NXPE2: variants seen among roughly 807,000 people sequenced by gnomAD.
The protein encoded by NXPE2 is neurexophilin and PC-esterase domain family member 2, also known as NXPE family member 2.
Under a neutral mutation model 34.4 loss-of-function variants are expected in NXPE2, and 34 were observed. The ratio of observed to expected loss-of-function variants is 0.99; its 90% CI spans 0.75 to 1.31. The LOEUF (loss-of-function observed/expected upper bound fraction) is 1.31. NXPE2 is among the 40% of genes most tolerant of loss of function. The pLI, the probability that NXPE2 is intolerant of heterozygous loss-of-function variation, is 0.00. For missense variants in NXPE2, 649 were observed against 672.5 expected (o/e 0.97, Z 0.39); for synonymous variants, 235 against 231.3 (o/e 1.02, Z -0.15).
chr11:114,751,961 A>G, the NXPE2 span, among the ~76,000 whole-genome samples: 1 of 152,228 alleles, frequency 6.6e-6, no homozygotes, highest in African/African-American at 2.4e-5. Flanking sequence ...GAGCCAAGAA[A>G]TATGGGCAGC....
At chr11:114,606,426 C>T in the NXPE2 span, among the ~76,000 whole-genome samples, 200 of 151,556 alleles carry the variant, frequency 1.3e-3, 2 homozygotes, top group African/African-American at 4.5e-3. Context: ...AGTATTGCCT[C>T]GTGGGTAACC....
chr11:114,692,121 G>A (rs1171426730), intron 2 of NXPE2, among the ~76,000 whole-genome samples: 1 of 152,182 alleles, frequency 6.6e-6, no homozygotes, highest in African/African-American at 2.4e-5. Flanking sequence ...CAGAGCAAAT[G>A]CTGCAAACTC....
chr11:114,778,697 G>A, the NXPE2 span, among the ~76,000 whole-genome samples: 1 of 152,128 alleles, frequency 6.6e-6, no homozygotes, highest in Admixed American at 6.5e-5. Flanking sequence ...TGACAGGGTC[G>A]GGGTCCCTGG....
the NXPE2 span, among the ~76,000 whole-genome samples, chr11:114,643,760 T>C: frequency 5.3e-5 from 8 of 152,190 alleles, no homozygotes; most frequent in Admixed American, 1.3e-4. Flanking sequence ...TGGTACCATA[T>C]GAAACTTAAA....
chr11:114,541,053 T>G, the NXPE2 span, among the ~76,000 whole-genome samples: 1 of 151,920 alleles, frequency 6.6e-6, no homozygotes, highest in Non-Finnish European at 1.5e-5. Flanking sequence ...CAAAGCAATC[T>G]GCAGCTAGTC....
the NXPE2 span, among the ~76,000 whole-genome samples, chr11:114,657,815 T>G: frequency 1.3e-5 from 2 of 152,188 alleles, no homozygotes; most frequent in Non-Finnish European, 2.9e-5. Flanking sequence ...ATATACTCTT[T>G]TCACTTACAA....
At chr11:114,679,978 T>G (rs1950920968) in intron 2 of NXPE2, among the ~76,000 whole-genome samples, 1 of 152,138 alleles carries the variant, frequency 6.6e-6, no homozygotes, top group African/African-American at 2.4e-5. Context: ...TGTTTTTCTT[T>G]AAAAAATGGC....
At chr11:114,557,670 TATAA>T in the NXPE2 span, among the ~76,000 whole-genome samples, 108 of 123,020 alleles carry the variant, frequency 8.8e-4, no homozygotes, top group African/African-American at 2.9e-3. Context: ...TATATATATA[TATAA>T]AATCCTTGTT....
At chr11:114,810,323 A>C in the NXPE2 span, among the ~76,000 whole-genome samples, 1 of 149,750 alleles carries the variant, frequency 6.7e-6, no homozygotes, top group Admixed American at 6.7e-5. Context: ...ATGGCAACAA[A>C]AGCCAAAATT....
At chr11:114,599,285 C>G in the NXPE2 span, among the ~76,000 whole-genome samples, 1 of 152,300 alleles carries the variant, frequency 6.6e-6, no homozygotes, top group Non-Finnish European at 1.5e-5. Context: ...TCCTCATCTC[C>G]TTCTGAGACC....
chr11:114,547,405 T>C, the NXPE2 span, among the ~76,000 whole-genome samples: 1 of 152,166 alleles, frequency 6.6e-6, no homozygotes, highest in African/African-American at 2.4e-5. Context: ...GTCAATGTCA[T>C]CAAAAACAAG....
chr11:114,738,149 C>A, the NXPE2 span, among the ~76,000 whole-genome samples: 3 of 152,110 alleles, frequency 2.0e-5, no homozygotes, highest in Non-Finnish European at 2.9e-5. Flanking sequence ...TGAATTTAGA[C>A]CATGGGAAAG....
At chr11:114,532,611 G>A in the NXPE2 span, among the ~76,000 whole-genome samples, 1 of 151,970 alleles carries the variant, frequency 6.6e-6, no homozygotes, top group Non-Finnish European at 1.5e-5. Context: ...TTATAAGAAT[G>A]GAATATATTT....
chr11:114,668,788 T>A, the NXPE2 span, among the ~76,000 whole-genome samples: 2 of 152,092 alleles, frequency 1.3e-5, no homozygotes. Flanking sequence ...ATTTTTGGAA[T>A]GGTGAAATAA....
the NXPE2 span, among the ~76,000 whole-genome samples, chr11:114,648,656 C>T: frequency 6.6e-6 from 1 of 152,180 alleles, no homozygotes; most frequent in South Asian, 2.1e-4. Flanking sequence ...ATATGCATCT[C>T]CTTAAGTCAT....
chr11:114,582,143 T>C, the NXPE2 span: 1 of 844,336 alleles, frequency 1.2e-6, no homozygotes, highest in Non-Finnish European at 1.8e-6. Context: ...GGGCACTGTC[T>C]CTAAATGAAT....
chr11:114,773,887 T>G, the NXPE2 span, among the ~76,000 whole-genome samples: 1 of 152,208 alleles, frequency 6.6e-6, no homozygotes, highest in Non-Finnish European at 1.5e-5. Flanking sequence ...TCTCAGGCCT[T>G]TGGGTTTCGT....
chr11:114,502,963 G>A, the NXPE2 span, among the ~76,000 whole-genome samples: 4 of 152,212 alleles, frequency 2.6e-5, no homozygotes, highest in East Asian at 3.8e-4. Flanking sequence ...TGAATACTGA[G>A]TCACAGTGGA....
At chr11:114,506,778 TTAGA>T in the NXPE2 span, among the ~76,000 whole-genome samples, 2 of 151,916 alleles carry the variant, frequency 1.3e-5, no homozygotes, top group African/African-American at 2.4e-5. Context: ...TATCAAAAAG[TTAGA>T]TAGGTCTCAA....
Sources: allele counts gnomAD v4.1 joint callset (sites outside exome capture counted in the v4.1 genomes callset), GRCh38; gene constraint gnomAD v4.1.1; transcripts MANE v1.5; gene names NCBI Gene and HGNC (gene_info 2026-07-23, HGNC 2026-07-21).